Variants in COL28A1 observed in about 807,000 individuals in gnomAD.
The protein encoded by COL28A1 is collagen alpha-1(XXVIII) chain.
In COL28A1, 161 loss-of-function variants were observed where a neutral mutation model predicts 150.2. That is an observed-to-expected ratio of 1.07 (90% CI 0.94 to 1.22). The LOEUF is 1.22. COL28A1 is among the 50% of genes most tolerant of loss of function. COL28A1 has a pLI of 0.00. For synonymous variants in COL28A1, 552 were observed against 469.7 expected, an observed-to-expected ratio of 1.18 and a Z score of -2.26; for missense variants, 1,617 against 1,388.3, an observed-to-expected ratio of 1.16 and a Z score of -2.62.
chr7:7,464,892 G>A (rs1410516508), intron 15 of COL28A1, among the ~76,000 whole-genome samples: 1 of 152,076 alleles, frequency 6.6e-6, no homozygotes, highest in South Asian at 2.1e-4. Flanking sequence ...TAGACCATCA[G>A]CAAGATTAAC....
chr7:7,541,440 T>C, the COL28A1 span, among the ~76,000 whole-genome samples: 5 of 152,238 alleles, frequency 3.3e-5, no homozygotes, highest in Non-Finnish European at 7.3e-5. Flanking sequence ...ATCACATATA[T>C]AATGTTATTT....
At chr7:7,344,296 G>T in the COL28A1 span, among the ~76,000 whole-genome samples, 2 of 151,908 alleles carry the variant, frequency 1.3e-5, no homozygotes, top group East Asian at 1.9e-4. Flanking sequence ...GTCTTGTCTG[G>T]TTTTTGTTCA....
At chr7:7,398,431 C>G (rs1782972016) in intron 27 of COL28A1, among the ~76,000 whole-genome samples, 1 of 152,196 alleles carries the variant, frequency 6.6e-6, no homozygotes, top group Non-Finnish European at 1.5e-5. Context: ...ATCTCAGCAA[C>G]AGTCAAGCCA....
chr7:7,533,759 A>G (rs1324585921), intron 1 of COL28A1, among the ~76,000 whole-genome samples: 2 of 152,110 alleles, frequency 1.3e-5, no homozygotes, highest in Non-Finnish European at 2.9e-5. Flanking sequence ...CTACACACCA[A>G]CTGACTCTTA....
the COL28A1 span, among the ~76,000 whole-genome samples, chr7:7,338,212 A>G: frequency 5.3e-5 from 8 of 152,062 alleles, no homozygotes; most frequent in Admixed American, 2.6e-4. Context: ...TTTGTTTCAT[A>G]TGAATTAGTT....
chr7:7,483,254 G>A (rs532518276), intron 13 of COL28A1, among the ~76,000 whole-genome samples: 54 of 152,092 alleles, frequency 3.6e-4, no homozygotes, highest in African/African-American at 1.1e-3. Flanking sequence ...AACCATCTTC[G>A]GTGTTACCAA....
intron 25 of COL28A1, 93 bp downstream of exon 25, chr7:7,432,380 C>G (rs1352231144): frequency 1.1e-6 from 1 of 938,186 alleles, no homozygotes; most frequent in East Asian, 2.5e-5. Context: ...CACCTCTACT[C>G]TTCTAGCTGA....
At chr7:7,474,986 G>C (rs1468772230) in intron 14 of COL28A1, among the ~76,000 whole-genome samples, 2 of 152,140 alleles carry the variant, frequency 1.3e-5, no homozygotes, top group Non-Finnish European at 2.9e-5. Flanking sequence ...CAATCACATA[G>C]TATAACTAAC....
chr7:7,489,267 C>CA (rs1779787961), intron 13 of COL28A1, 122 bp downstream of exon 13: 2 of 667,658 alleles, frequency 3.0e-6, no homozygotes, highest in South Asian at 3.8e-5. Context: ...GATTCCGTCT[C>CA]AAAAAAATAA....
At position 7,358,300 on chromosome 7, in the gene COL28A1, C is replaced by A. The variant is rs1780439766; in HGVS notation, c.*333G>T. On this transcript the variant is annotated 3_prime_UTR_variant, in exon 35 of 35. Transcript: ENST00000399429. ...GTTTGAGCTGACATAGTACATACAA[C>A]AGGAATTAAAGGAATCAGAATCACA... 2 of 187,810 alleles carry A rather than the reference C, an allele frequency of 1.1e-5. No individual in the cohort carries two copies. Among genetic ancestry groups the A allele is most frequent in the South Asian group, 2.5e-4 (2 of 7,864 alleles). The allele number at this position is 187,810 out of a possible 1,614,324, so 11.6% of individuals were successfully genotyped here.
intron 27 of COL28A1, among the ~76,000 whole-genome samples, chr7:7,411,580 A>G (rs1462129678): frequency 1.3e-5 from 2 of 151,806 alleles, no homozygotes; most frequent in Admixed American, 6.6e-5. Flanking sequence ...ATCTCTCCCC[A>G]GCCTTTGAAT....
chr7:7,527,291 A>G (rs1782078396), intron 3 of COL28A1, among the ~76,000 whole-genome samples: 2 of 152,252 alleles, frequency 1.3e-5, no homozygotes, highest in Admixed American at 1.3e-4. Flanking sequence ...CCCGAGTAGG[A>G]AGGAGGTCCT....
chr7:7,463,221 G>A (rs1170553960), intron 15 of COL28A1, among the ~76,000 whole-genome samples: 1 of 152,116 alleles, frequency 6.6e-6, no homozygotes. Context: ...CATCACCCAG[G>A]AACACTGTCA....
intron 25 of COL28A1, among the ~76,000 whole-genome samples, chr7:7,422,130 A>G (rs1030384188): frequency 3.9e-5 from 6 of 152,210 alleles, no homozygotes; most frequent in Admixed American, 1.3e-4. Flanking sequence ...TTAAAAGGAC[A>G]TGTCTTTTCT....
At chr7:7,398,588 G>C (rs1211082661) in intron 27 of COL28A1, among the ~76,000 whole-genome samples, 1 of 152,134 alleles carries the variant, frequency 6.6e-6, no homozygotes, top group Non-Finnish European at 1.5e-5. Context: ...TAGTGCAAAG[G>C]GTGCCATGGC....
chr7:7,501,805 T>A (rs1422852483), intron 11 of COL28A1, among the ~76,000 whole-genome samples: 1 of 152,242 alleles, frequency 6.6e-6, no homozygotes, highest in Non-Finnish European at 1.5e-5. Flanking sequence ...CGCTGTCTCC[T>A]GAGTCACAAT....
intron 15 of COL28A1, among the ~76,000 whole-genome samples, chr7:7,459,708 A>G (rs1787454115): frequency 6.6e-6 from 1 of 152,204 alleles, no homozygotes; most frequent in Admixed American, 6.5e-5. Context: ...GTTTTAAAGA[A>G]AACAAATAGC....
chr7:7,495,740 C>A (rs1780174960), intron 11 of COL28A1, among the ~76,000 whole-genome samples: 1 of 152,218 alleles, frequency 6.6e-6, no homozygotes, highest in African/African-American at 2.4e-5. Context: ...ACTGATAATA[C>A]CTCTTGTTCA....
At chr7:7,503,868 T>C (rs965976069) in intron 11 of COL28A1, among the ~76,000 whole-genome samples, 1 of 152,158 alleles carries the variant, frequency 6.6e-6, no homozygotes, top group South Asian at 2.1e-4. Context: ...TCCCCAACAT[T>C]ATCTAGAAAT....
Sources: gnomAD v4.1 joint callset for allele counts (sites outside exome capture counted in the v4.1 genomes callset) on GRCh38, gnomAD v4.1.1 for gene constraint, MANE v1.5 for transcripts, NCBI Gene and HGNC (gene_info 2026-07-23, HGNC 2026-07-21) for gene names.